ARHGAP10: variants seen among roughly 807,000 people sequenced by gnomAD.
The protein encoded by ARHGAP10 is rho GTPase-activating protein 10.
Under a neutral mutation model 108.6 loss-of-function variants are expected in ARHGAP10, and 87 were observed. The ratio of observed to expected loss-of-function variants is 0.80; its 90% CI spans 0.67 to 0.96. ARHGAP10 has a LOEUF of 0.96. Ranked by LOEUF, ARHGAP10 falls within the 40% of genes least tolerant of loss-of-function variation. The pLI, the probability that ARHGAP10 is intolerant of heterozygous loss-of-function variation, is 0.00. For synonymous variants in ARHGAP10, 347 were observed against 341.1 expected (o/e 1.02, Z -0.19); for missense variants, 939 against 954.5 (o/e 0.98, Z 0.21).
chr4:147,848,072 C>T (rs1024458675), intron 4 of ARHGAP10, among the ~76,000 whole-genome samples: 4 of 145,192 alleles, frequency 2.8e-5, no homozygotes, highest in Admixed American at 2.1e-4. Context: ...TTTTTCCCCC[C>T]ACGTGGCTGG....
At chr4:147,968,512 G>C (rs1739286364) in intron 18 of ARHGAP10, among the ~76,000 whole-genome samples, 1 of 152,212 alleles carries the variant, frequency 6.6e-6, no homozygotes, top group African/African-American at 2.4e-5. Context: ...AACAGTTTCA[G>C]TGGGCTCACC....
intron 1 of ARHGAP10, among the ~76,000 whole-genome samples, chr4:147,773,250 T>C (rs1399683326): frequency 6.6e-6 from 1 of 152,236 alleles, no homozygotes. Context: ...CATATGTATG[T>C]ATATATTATC....
intron 16 of ARHGAP10, among the ~76,000 whole-genome samples, chr4:147,959,089 T>C (rs1266749358): frequency 2.6e-5 from 4 of 152,206 alleles, no homozygotes; most frequent in African/African-American, 9.7e-5. Flanking sequence ...CAACTTTAGA[T>C]GATTTATCTT....
chr4:148,009,519 G>T (rs1741091531), intron 18 of ARHGAP10, among the ~76,000 whole-genome samples: 2 of 152,134 alleles, frequency 1.3e-5, no homozygotes, highest in Admixed American at 1.3e-4. Flanking sequence ...TTCATTTTAT[G>T]TGCAAGGATA....
Position 148,047,046 on chromosome 4 carries a change from C to T in ARHGAP10, c.2022C>T (p.Ser674=), listed in dbSNP as rs758807788. Residue 674 remains serine (S), a synonymous_variant, in exon 20 of 23, where the codon TCC becomes TCT. Coordinates refer to ENST00000336498, the MANE Select transcript of ARHGAP10 (RefSeq NM_024605.4). ...ADGGSFGDWA[S]TIPGQTRSSM... The stretch of plus-strand genomic sequence containing the variant: ...GAGGGAGCTTTGGAGACTGGGCATC[C>T]ACTATGTAAGTAACCGTGCTTCTGT... The T allele has an allele frequency of 1.3e-5, 21 of 1,614,074 alleles. No individual in the cohort carries two copies. Among genetic ancestry groups the T allele is most frequent in the Non-Finnish European group, 1.8e-5 (21 of 1,180,006 alleles).
At chr4:147,732,729 G>T (rs1728271641) in intron 1 of ARHGAP10, among the ~76,000 whole-genome samples, 1 of 152,180 alleles carries the variant, frequency 6.6e-6, no homozygotes, top group African/African-American at 2.4e-5. Context: ...CCTGGCCCCG[G>T]CCGAACACCC....
intron 1 of ARHGAP10, among the ~76,000 whole-genome samples, chr4:147,740,621 C>T (rs1284946126): frequency 6.6e-6 from 1 of 152,088 alleles, no homozygotes; most frequent in Non-Finnish European, 1.5e-5. Flanking sequence ...ATAGACATTC[C>T]AAGGTCGGGT....
chr4:148,038,196 G>A (rs1036806512), intron 19 of ARHGAP10, among the ~76,000 whole-genome samples: 2 of 152,134 alleles, frequency 1.3e-5, no homozygotes, highest in East Asian at 1.9e-4. Flanking sequence ...TGGCAGTTCT[G>A]TTTCTTGGTA....
intron 1 of ARHGAP10, among the ~76,000 whole-genome samples, chr4:147,776,674 C>A (rs1011836082): frequency 2.0e-5 from 3 of 152,100 alleles, no homozygotes; most frequent in African/African-American, 7.2e-5. Context: ...CTCTCCTATT[C>A]CCTTTGTTTC....
Position 147,798,769 on chromosome 4 carries a change from CTCTCTCTCTCTCTATATATATATATATA to C in ARHGAP10, c.155-23956_155-23929del, listed in dbSNP as rs1228456843. On this transcript the variant is annotated intron_variant, in intron 1 of 22. Coordinates refer to ENST00000336498, the MANE Select transcript of ARHGAP10 (RefSeq NM_024605.4). ...TCTCTCTCTCTCTCTCTCTCTCTCTCTCTCTCTCTCTCTATATATATATATATATATATATATATATATATATAGACTT... is the reference window on the plus strand; with the variant it reads ...TCTCTCTCTCTCTCTCTCTCTCTCTCTATATATATATATATATATAGACTT... Among the ~76,000 whole-genome samples, 5 of 5,598 alleles carry C rather than the reference CTCTCTCTCTCTCTATATATATATATATA, an allele frequency of 8.9e-4. No homozygotes were observed. The Non-Finnish European group carries it at 9.2e-3, about 10-fold the overall frequency. 3.7% of individuals were successfully genotyped at this position (5,598 alleles called of 152,430 possible).
intron 18 of ARHGAP10, among the ~76,000 whole-genome samples, chr4:148,019,697 C>G (rs2149661096): frequency 6.6e-6 from 1 of 151,880 alleles, no homozygotes; most frequent in African/African-American, 2.4e-5. Flanking sequence ...TTGCAGTTAG[C>G]CAAGCCGAGC....
chr4:148,035,523 T>C (rs80356295), intron 19 of ARHGAP10, among the ~76,000 whole-genome samples: 8,157 of 152,320 alleles, frequency 0.054, 317 homozygotes, highest in Non-Finnish European at 0.078. Flanking sequence ...CAACTGACTG[T>C]CATTCATCTG....
chr4:147,869,048 G>C (rs1734690903), intron 7 of ARHGAP10, among the ~76,000 whole-genome samples: 1 of 152,220 alleles, frequency 6.6e-6, no homozygotes, highest in South Asian at 2.1e-4. Flanking sequence ...GGGCTGGCCA[G>C]AATGAGAACC....
intron 1 of ARHGAP10, among the ~76,000 whole-genome samples, chr4:147,778,620 G>A (rs1313327725): frequency 6.6e-6 from 1 of 152,206 alleles, no homozygotes; most frequent in East Asian, 1.9e-4. Flanking sequence ...CCAAGAAGCT[G>A]CTCATAGGGG....
chr4:147,935,084 T>A (rs1417608421), intron 13 of ARHGAP10, among the ~76,000 whole-genome samples: 1 of 152,200 alleles, frequency 6.6e-6, no homozygotes, highest in Admixed American at 6.5e-5. Flanking sequence ...GCATTCCTGC[T>A]GGGGAGACTT....
chr4:147,892,422 C>T (rs1735824028), intron 10 of ARHGAP10, among the ~76,000 whole-genome samples: 1 of 152,102 alleles, frequency 6.6e-6, no homozygotes, highest in South Asian at 2.1e-4. Context: ...CATCCAGGCA[C>T]CTAGACAATT....
intron 1 of ARHGAP10, among the ~76,000 whole-genome samples, chr4:147,759,797 G>A (rs1350528034): frequency 6.6e-6 from 1 of 152,136 alleles, no homozygotes; most frequent in African/African-American, 2.4e-5. Flanking sequence ...CGCCCAGGCT[G>A]GAATGCAGTG....
At chr4:147,979,452 A>T (rs1739726255) in intron 18 of ARHGAP10, among the ~76,000 whole-genome samples, 1 of 151,930 alleles carries the variant, frequency 6.6e-6, no homozygotes, top group Non-Finnish European at 1.5e-5. Context: ...TGGTTATTGT[A>T]GCCTTGTAGT....
intron 11 of ARHGAP10, 105 bp downstream of exon 11, chr4:147,906,824 A>T: frequency 7.5e-7 from 1 of 1,330,168 alleles, no homozygotes; most frequent in Non-Finnish European, 1.1e-6. Context: ...TCCCTTCTAT[A>T]ACAGGTATTC....
Sources: gnomAD v4.1 joint callset for allele counts (sites outside exome capture counted in the v4.1 genomes callset) on GRCh38, gnomAD v4.1.1 for gene constraint, MANE v1.5 for transcripts, NCBI Gene and HGNC (gene_info 2026-07-23, HGNC 2026-07-21) for gene names.